ULK4: variants seen among roughly 807,000 people sequenced by gnomAD.
ULK4 encodes the protein unc-51 like kinase 4, also known as inactive serine/threonine-protein kinase ULK4.
A neutral mutation model predicts 160.6 loss-of-function variants in ULK4; 133 were observed. The ratio of observed to expected loss-of-function variants is 0.83; its 90% confidence interval spans 0.72 to 0.96. The LOEUF is 0.96. ULK4 is among the 40% of genes least tolerant of loss of function. ULK4 has a pLI of 0.00. For synonymous variants in ULK4, 534 were observed against 539.8 expected, an observed-to-expected ratio of 0.99 and a Z score of 0.15; for missense variants, 1,580 against 1,499.5, an observed-to-expected ratio of 1.05 and a Z score of -0.89.
intron 34 of ULK4, among the ~76,000 whole-genome samples, chr3:41,424,166 T>C (rs11129904): frequency 0.16 from 24,444 of 151,888 alleles, 2,127 homozygotes; most frequent in Admixed American, 0.2. Context: ...ACAGCAGCTG[T>C]GGCATATAGT....
At chr3:41,775,721 A>G (rs1221236874) in intron 21 of ULK4, among the ~76,000 whole-genome samples, 2 of 150,824 alleles carry the variant, frequency 1.3e-5, no homozygotes, top group Non-Finnish European at 2.9e-5. Flanking sequence ...TTTTTTAAAC[A>G]TTGAAACAAC....
chr3:41,462,976 A>T lies in ULK4; in HGVS notation c.3393+111T>A, dbSNP rs541713567. On this transcript the variant is annotated intron_variant, in intron 33 of 36. Transcript: ENST00000301831. The stretch of plus-strand genomic sequence containing the variant: ...GAAGACACTCTCTATAGAATTATAC[A>T]TTCTTTTAAATAAGTAAAGACACAA... 10 of 1,301,548 alleles carry T rather than the reference A, an allele frequency of 7.7e-6. No individual in the cohort carries two copies. In the African/African-American group the frequency reaches 8.9e-5, roughly 12 times the overall value. The allele number at this position is 1,301,548 out of a possible 1,614,324, so 80.6% of individuals were successfully genotyped here.
chr3:41,451,893 G>A (rs184761578), intron 34 of ULK4, among the ~76,000 whole-genome samples: 8 of 152,228 alleles, frequency 5.3e-5, no homozygotes, highest in African/African-American at 1.4e-4. Context: ...AGAGCCCAAG[G>A]TGGTACCCTC....
intron 31 of ULK4, among the ~76,000 whole-genome samples, chr3:41,612,084 T>C (rs1310890774): frequency 6.6e-6 from 1 of 152,130 alleles, no homozygotes; most frequent in African/African-American, 2.4e-5. Flanking sequence ...TCCACAGCAT[T>C]TACATTGCAT....
At chr3:41,431,355 A>AAAT (rs57010705) in intron 34 of ULK4, among the ~76,000 whole-genome samples, 6,275 of 139,046 alleles carry the variant, frequency 0.045, 145 homozygotes, top group Middle Eastern at 0.054. Context: ...ACACACACAC[A>AAAT]AATAATAATA....
Position 41,705,273 on chromosome 3 carries a change from C to A in ULK4, c.2667G>T (p.Thr889=). The A allele has an allele frequency of 1.2e-6, 2 of 1,613,072 alleles. No individual in the cohort carries two copies. Among genetic ancestry groups the A allele is most frequent in the South Asian group, 1.1e-5 (1 of 90,784 alleles). Residue 889 remains threonine, a synonymous_variant, in exon 26 of 37, where the codon ACG becomes ACT. Transcript: ENST00000301831. ...SHIKSVDSGE[T]NIDGAIGLTA... is the part of the protein sequence containing the mutation. ...ACTCACCTATGGCTCCATCTATGTT[C>A]GTTTCTCCTGAGTCTACAGATTTAA...
At chr3:41,504,409 T>C (rs75048519) in intron 32 of ULK4, among the ~76,000 whole-genome samples, 5,651 of 152,272 alleles carry the variant, frequency 0.037, 155 homozygotes, top group Non-Finnish European at 0.058. Context: ...TAAATGAATA[T>C]GTGAATGACT....
chr3:41,546,820 G>A (rs371746315), intron 32 of ULK4, among the ~76,000 whole-genome samples: 15 of 146,010 alleles, frequency 1.0e-4, no homozygotes, highest in East Asian at 2.0e-4. Context: ...TTCACCTCAC[G>A]TGTTTCACTC....
chr3:41,676,696 A>C (rs2035728980), intron 29 of ULK4, among the ~76,000 whole-genome samples: 1 of 152,204 alleles, frequency 6.6e-6, no homozygotes, highest in Non-Finnish European at 1.5e-5. Flanking sequence ...CAACAATTAG[A>C]AACATGTCTG....
chr3:41,323,717 CAGA>C (rs2125733339), intron 35 of ULK4, among the ~76,000 whole-genome samples: 1 of 152,090 alleles, frequency 6.6e-6, no homozygotes, highest in African/African-American at 2.4e-5. Flanking sequence ...CGAGTGCTTA[CAGA>C]TGGAGTAAAA....
At chr3:41,732,613 T>C (rs113083498) in intron 22 of ULK4, among the ~76,000 whole-genome samples, 2,918 of 152,224 alleles carry the variant, frequency 0.019, 99 homozygotes, top group African/African-American at 0.066. Flanking sequence ...AATCCCACTA[T>C]TGGGTATTTA....
chr3:41,412,145 C>T lies in ULK4; in HGVS notation c.3493-13881G>A, dbSNP rs186534999. ...AACACAAAATCTATTGCAATTTTCACGTAAGTACCAATCAGATATTGAAAT... is the reference window on the plus strand; with the variant it reads ...AACACAAAATCTATTGCAATTTTCATGTAAGTACCAATCAGATATTGAAAT... On this transcript the variant is annotated intron_variant, in intron 34 of 36. Coordinates refer to ENST00000301831, the MANE Select transcript of ULK4 (RefSeq NM_017886.4). Among the ~76,000 whole-genome samples, 9 of 152,190 alleles carry T rather than the reference C, an allele frequency of 5.9e-5. No individual in the cohort carries two copies. In the East Asian group the frequency reaches 1.2e-3, roughly 20 times the overall value.
intron 35 of ULK4, among the ~76,000 whole-genome samples, chr3:41,371,192 C>T (rs542260760): frequency 8.4e-4 from 128 of 152,268 alleles, no homozygotes; most frequent in African/African-American, 2.8e-3. Flanking sequence ...CAGAGCAACT[C>T]GGGGAAGGGG....
At chr3:41,752,457 C>G (rs2038662104) in intron 22 of ULK4, among the ~76,000 whole-genome samples, 1 of 152,114 alleles carries the variant, frequency 6.6e-6, no homozygotes, top group African/African-American at 2.4e-5. Flanking sequence ...CATCACACTT[C>G]AAGACATTGG....
intron 6 of ULK4, among the ~76,000 whole-genome samples, chr3:41,919,269 A>T (rs1014420126): frequency 6.6e-6 from 1 of 152,184 alleles, no homozygotes; most frequent in African/African-American, 2.4e-5. Context: ...GATACCAAGC[A>T]ACTCAGCCAA....
intron 17 of ULK4, among the ~76,000 whole-genome samples, chr3:41,851,152 G>T (rs56134026): frequency 0.12 from 18,774 of 152,032 alleles, 1,322 homozygotes; most frequent in Middle Eastern, 0.27. Context: ...CCTGTCTTGT[G>T]CCAGTTTTCA....
At chr3:41,557,266 A>G (rs2087332548) in intron 32 of ULK4, among the ~76,000 whole-genome samples, 1 of 152,012 alleles carries the variant, frequency 6.6e-6, no homozygotes, top group Admixed American at 6.6e-5. Flanking sequence ...CAAGACATCT[A>G]CCCCACTCTA....
rs534937583 is a variant in ULK4 at position 41,275,612 on chromosome 3, G to A, written c.3679-26038C>T. 2.6e-5 allele frequency among the ~76,000 whole-genome samples: 4 copies of A among 152,284 alleles called. No individual in the cohort carries two copies. In the East Asian group the frequency reaches 7.7e-4, roughly 29 times the overall value. On this transcript the variant is annotated intron_variant, in intron 35 of 36. Coordinates refer to ENST00000301831, the MANE Select transcript of ULK4 (RefSeq NM_017886.4). The stretch of plus-strand genomic sequence containing the variant: ...GCTTTAAGAGAATGGCCAAAGGGTG[G>A]GGAGATAGGGGGTGGGAAAAAATCA...
rs114035111 is a variant in ULK4, at chr3:41,432,338, A to C, written c.3492+23159T>G. Among the ~76,000 whole-genome samples the C allele has an allele frequency of 5.1e-3, 778 of 152,352 alleles. 6 individuals are homozygous for C. Among genetic ancestry groups the C allele is most frequent in the African/African-American group, 0.018 (744 of 41,588 alleles). On this transcript the variant is annotated intron_variant, in intron 34 of 36. Transcript: ENST00000301831. ...TCTTCATCACCTCCCCAAAAACAAC[A>C]AAGCATATCTTTAGTCTGTTTCTCT...
Sources: allele counts gnomAD v4.1 joint callset (sites outside exome capture counted in the v4.1 genomes callset), GRCh38; gene constraint gnomAD v4.1.1; transcripts MANE v1.5; gene names NCBI Gene and HGNC (gene_info 2026-07-23, HGNC 2026-07-21).